Variants in ATRX observed in about 807,000 individuals in gnomAD.
ATRX encodes the protein chromatin remodeler ATRX.
Under a neutral mutation model 172.6 loss-of-function variants are expected in ATRX, and 12 were observed. That is an observed-to-expected ratio of 0.07 (90% CI 0.04 to 0.11). ATRX has a LOEUF of 0.11. ATRX is among the 10% of genes least tolerant of loss of function. The pLI, the probability that ATRX is intolerant of heterozygous loss-of-function variation, is 1.00. For synonymous variants in ATRX, 674 were observed against 594.7 expected (o/e 1.13, Z -1.94); for missense variants, 1,368 against 1,767.4 (o/e 0.77, Z 4.05).
At position 77,633,187 on chromosome X, in the gene ATRX, ACTGT is replaced by A. The variant is rs782380691; in HGVS notation, c.5134+16_5134+19del. ...TTTATTCAACTTGCTTCTTTATGTC[ACTGT>A]CTATTAATACCTTACCTGGATCAAC... On this transcript the variant is annotated intron_variant, in intron 19 of 34. Coordinates refer to ENST00000373344, the MANE Select transcript of ATRX (RefSeq NM_000489.6). The A allele has an allele frequency of 1.7e-6, 2 of 1,192,241 alleles. No homozygotes were observed. The highest frequency in any genetic ancestry group is 1.8e-5 in the South Asian group (1 of 56,377).
chrX:77,621,476 A>AT (rs1557099916), intron 19 of ATRX, among the ~76,000 whole-genome samples: 1 of 110,006 alleles, frequency 9.1e-6, no homozygotes, highest in African/African-American at 3.3e-5. Flanking sequence ...TGCCTGGCTA[A>AT]TTTTTTTGCA....
At chrX:77,609,181 C>T (rs1257885643) in intron 22 of ATRX, among the ~76,000 whole-genome samples, 2 of 111,148 alleles carry the variant, frequency 1.8e-5, no homozygotes, top group East Asian at 2.8e-4. Context: ...TTGGAGGTTC[C>T]TCAAAAAAGC....
rs181455278 is a variant in ATRX, at chrX:77,700,645, T to C, written c.134-2016A>G. 8.0e-5 allele frequency among the ~76,000 whole-genome samples: 9 copies of C among 112,559 alleles called. No individual in the cohort carries two copies. The Admixed American group carries it at 8.5e-4, about 11-fold the overall frequency. ...AAACTTAGAAGCAACCAAGATGTCC[T>C]TTAGAAGATGAATGGATAAACAAAC... On this transcript the variant is annotated intron_variant, in intron 2 of 34. Coordinates refer to ENST00000373344, the MANE Select transcript of ATRX (RefSeq NM_000489.6).
chrX:77,541,543 C>T (rs1160327461), intron 30 of ATRX, among the ~76,000 whole-genome samples: 3 of 111,911 alleles, frequency 2.7e-5, no homozygotes, highest in Non-Finnish European at 3.8e-5. Flanking sequence ...GCCAATATCC[C>T]TGATGAACAT....
intron 12 of ATRX, among the ~76,000 whole-genome samples, chrX:77,656,981 T>C (rs944722006): frequency 9.0e-6 from 1 of 111,716 alleles, no homozygotes; most frequent in Non-Finnish European, 1.9e-5. Flanking sequence ...AAAAAGAAGT[T>C]TGGCTATTCA....
Position 77,682,514 on chromosome X carries a change from T to C in ATRX, c.2742A>G (p.Ala914=), listed in dbSNP as rs1488470934. The change falls in exon 9 of 35, where the codon GCA becomes GCG. Residue 914 remains alanine (A), a synonymous_variant. Transcript: ENST00000373344. Reference sequence around the variant, plus strand: ...TATCGACACCATCAGTGGAAGCACTTGCTTGCTGCTTCTTAGGAAGTCGAT... The same window carrying C: ...TATCGACACCATCAGTGGAAGCACTCGCTTGCTGCTTCTTAGGAAGTCGAT... ...LRDRLPKKQQ[A]SASTDGVDKL... is the part of the protein sequence containing the mutation. The C allele has an allele frequency of 1.7e-6, 2 of 1,209,880 alleles. No homozygotes were observed. The highest frequency in any genetic ancestry group is 2.2e-6 in the Non-Finnish European group (2 of 895,162).
chrX:77,512,783 C>T (rs971760794), intron 34 of ATRX, among the ~76,000 whole-genome samples: 1 of 110,049 alleles, frequency 9.1e-6, no homozygotes, highest in African/African-American at 3.3e-5. Flanking sequence ...GCAGGAGAAT[C>T]GCTCAAACCC....
Position 77,556,811 on chromosome X carries a change from G to A in ATRX, c.6699+640C>T, listed in dbSNP as rs952233042. On this transcript the variant is annotated intron_variant, in intron 30 of 34. Coordinates refer to ENST00000373344, the MANE Select transcript of ATRX (RefSeq NM_000489.6). ...ATAACTTTCTAATCTCCATTTGGAG[G>A]ACAAAAAATTATAATGATTAAGAGT... is the stretch of plus-strand genomic sequence containing the variant. Among the ~76,000 whole-genome samples, 7 of 111,879 alleles carry A rather than the reference G, an allele frequency of 6.3e-5. No homozygotes were observed. The Admixed American group carries it at 6.6e-4, about 11-fold the overall frequency.
chrX:77,711,717 C>T (rs2073120541), intron 2 of ATRX, among the ~76,000 whole-genome samples: 1 of 111,951 alleles, frequency 8.9e-6, no homozygotes, highest in African/African-American at 3.2e-5. Flanking sequence ...TGCCTGTAAT[C>T]CCAGCTATTC....
chrX:77,592,854 G>A (rs1264705985), intron 26 of ATRX, among the ~76,000 whole-genome samples: 2 of 110,397 alleles, frequency 1.8e-5, no homozygotes, highest in African/African-American at 6.6e-5. Context: ...AATTTGAAGG[G>A]GGGTGAAGAT....
At position 77,522,396 on chromosome X, in the gene ATRX, C is replaced by CA. The variant is rs781859691; in HGVS notation, c.6850-9dup. 8.3e-7 allele frequency: 1 copy of CA among 1,208,406 alleles called. No individual in the cohort carries two copies. Among genetic ancestry groups the CA allele is most frequent in the South Asian group, 1.8e-5 (1 of 56,913 alleles). Reference sequence around the variant, plus strand: ...GAAACGCATGGTCAGTCCCTAAAAACAAAAAAATTATGCACTTTTCACATT... The same window carrying CA: ...GAAACGCATGGTCAGTCCCTAAAAACAAAAAAAATTATGCACTTTTCACATT... On this transcript the variant is annotated splice_polypyrimidine_tract_variant and intron_variant, in intron 31 of 34. Transcript: ENST00000373344.
intron 17 of ATRX, 85 bp from the exon 18 acceptor site, chrX:77,633,797 G>C (rs2148345594): frequency 9.8e-7 from 1 of 1,017,833 alleles, no homozygotes; most frequent in Non-Finnish European, 1.3e-6. Flanking sequence ...TTATAGCTTT[G>C]TTTTGCTTAA....
intron 25 of ATRX, chrX:77,594,754 A>G (rs1357640236): frequency 9.0e-6 from 1 of 111,214 alleles, no homozygotes; most frequent in Non-Finnish European, 1.9e-5. Context: ...AAACCCCTAA[A>G]TTATATATTT....
In ATRX at chrX:77,522,343, G is replaced by A; in HGVS notation, c.6895C>T (p.Pro2299Ser). Residue 2299 changes from proline to serine, a missense_variant, in exon 32 of 35, where the codon CCT becomes TCT. Transcript: ENST00000373344. ...FNIPTGTNLP[P>S]VSFNSQTPYI... is the part of the protein sequence containing the mutation. Reference sequence around the variant, plus strand: ...GGAGTTTGAGAGTTGAAACTGACAGGGGGTAAATTGGTCCCAGTTGGTATG... The same window carrying A: ...GGAGTTTGAGAGTTGAAACTGACAGAGGGTAAATTGGTCCCAGTTGGTATG... 2 of 1,210,241 alleles carry A rather than the reference G, an allele frequency of 1.7e-6. No individual in the cohort carries two copies. The highest frequency in any genetic ancestry group is 3.5e-5 in the South Asian group (2 of 56,964).
chrX:77,737,053 A>C (rs1249152067), intron 1 of ATRX, among the ~76,000 whole-genome samples: 1 of 110,609 alleles, frequency 9.0e-6, no homozygotes, highest in Non-Finnish European at 1.9e-5. Flanking sequence ...GTAGAAAGAA[A>C]AGAGAAGTGC....
At chrX:77,692,980 G>A (rs1323072140) in intron 6 of ATRX, among the ~76,000 whole-genome samples, 1 of 109,517 alleles carries the variant, frequency 9.1e-6, no homozygotes, top group Non-Finnish European at 1.9e-5. Flanking sequence ...TCGATCACCT[G>A]GGCTCAAGTG....
At chrX:77,687,452 T>C (rs2071642922) in intron 7 of ATRX, among the ~76,000 whole-genome samples, 1 of 112,091 alleles carries the variant, frequency 8.9e-6, no homozygotes, top group Non-Finnish European at 1.9e-5. Context: ...GCAAAGCTGT[T>C]ATTCAAATCC....
chrX:77,750,644 A>G (rs1413282982), intron 1 of ATRX, among the ~76,000 whole-genome samples: 1 of 109,651 alleles, frequency 9.1e-6, no homozygotes, highest in Non-Finnish European at 1.9e-5. Context: ...TAAGCCCCAC[A>G]TGCATTATAT....
At chrX:77,693,107 G>A (rs532020962) in intron 6 of ATRX, among the ~76,000 whole-genome samples, 13 of 110,508 alleles carry the variant, frequency 1.2e-4, no homozygotes, top group African/African-American at 4.3e-4. Context: ...AGCTGGTCTC[G>A]AACTCCAGGA....
Sources: allele counts gnomAD v4.1 joint callset (sites outside exome capture counted in the v4.1 genomes callset), GRCh38; gene constraint gnomAD v4.1.1; transcripts MANE v1.5; gene names NCBI Gene and HGNC (gene_info 2026-07-23, HGNC 2026-07-21).